CDH4: variants seen among roughly 807,000 people sequenced by gnomAD.
The protein encoded by CDH4 is cadherin 4.
In CDH4, 33 loss-of-function variants were observed where a neutral mutation model predicts 86.0. That is an observed-to-expected ratio of 0.38 (90% CI 0.29 to 0.51). CDH4 has a LOEUF of 0.51. Ranked by LOEUF, CDH4 falls within the 20% of genes least tolerant of loss-of-function variation. The probability of loss-of-function intolerance (pLI) is 0.86; values close to 1 mark genes in which losing one functional copy is unlikely to be tolerated. For synonymous variants in CDH4, 555 were observed against 549.4 expected, an observed-to-expected ratio of 1.01 and a Z score of -0.14; for missense variants, 1,114 against 1,307.4, an observed-to-expected ratio of 0.85 and a Z score of 2.28.
At chr20:61,454,395 A>T (rs1322546786) in intron 2 of CDH4, among the ~76,000 whole-genome samples, 1 of 152,162 alleles carries the variant, frequency 6.6e-6, no homozygotes, top group African/African-American at 2.4e-5. Context: ...GTTGTTAGTG[A>T]AGAGCCCGCA....
intron 4 of CDH4, among the ~76,000 whole-genome samples, chr20:61,798,487 A>C (rs928335383): frequency 2.6e-5 from 4 of 152,306 alleles, no homozygotes; most frequent in Non-Finnish European, 5.9e-5. Context: ...CATCGCGCTG[A>C]TTCCACTGCA....
intron 2 of CDH4, among the ~76,000 whole-genome samples, chr20:61,419,279 C>G (rs2085164346): frequency 6.6e-6 from 1 of 152,182 alleles, no homozygotes; most frequent in Admixed American, 6.5e-5. Context: ...TGGTTCTTGT[C>G]TCTGCTCATC....
intron 2 of CDH4, among the ~76,000 whole-genome samples, chr20:61,478,749 T>C (rs2085553362): frequency 1.3e-5 from 2 of 152,238 alleles, no homozygotes; most frequent in South Asian, 4.1e-4. Context: ...CTATGTTTCA[T>C]TCACCATTTT....
intron 7 of CDH4, among the ~76,000 whole-genome samples, chr20:61,876,118 G>A (rs755009493): frequency 3.3e-5 from 5 of 152,246 alleles, no homozygotes; most frequent in African/African-American, 7.2e-5. Context: ...CACGGCTGCC[G>A]GCTGTGTCCA....
chr20:61,298,830 T>C (rs999640332), intron 2 of CDH4, among the ~76,000 whole-genome samples: 10 of 150,670 alleles, frequency 6.6e-5, no homozygotes, highest in African/African-American at 2.0e-4. Flanking sequence ...TTTTTCATGG[T>C]AACCACAAAA....
Position 61,494,533 on chromosome 20 carries a change from G to A in CDH4, c.169+239596G>A, listed in dbSNP as rs942395105. ...CTATTTCCTTGCAGGTAGTAATTTT[G>A]TTTCAAGAAGAGCGATGTTTAGCAC... On this transcript the variant is annotated intron_variant, in intron 2 of 15. Coordinates refer to ENST00000614565, the MANE Select transcript of CDH4 (RefSeq NM_001794.5). Among the ~76,000 whole-genome samples the A allele has an allele frequency of 3.3e-5, 5 of 152,246 alleles. No homozygotes were observed. In the East Asian group the frequency reaches 7.7e-4, roughly 23 times the overall value.
chr20:61,885,536 C>T (rs1442531617), intron 7 of CDH4, among the ~76,000 whole-genome samples: 1 of 152,206 alleles, frequency 6.6e-6, no homozygotes, highest in East Asian at 1.9e-4. Flanking sequence ...ATTCATCGCT[C>T]AATGGACCCT....
At chr20:61,622,400 C>T (rs1014366259) in intron 2 of CDH4, among the ~76,000 whole-genome samples, 1 of 152,202 alleles carries the variant, frequency 6.6e-6, no homozygotes, top group Non-Finnish European at 1.5e-5. Flanking sequence ...GTCAGGCATA[C>T]CCCGGGTGCA....
At chr20:61,884,143 GA>G (rs1984427760) in intron 7 of CDH4, among the ~76,000 whole-genome samples, 1 of 152,172 alleles carries the variant, frequency 6.6e-6, no homozygotes, top group African/African-American at 2.4e-5. Flanking sequence ...AGTGAGAGGG[GA>G]GGGTCTGCTG....
chr20:61,311,845 G>A (rs1051774834), intron 2 of CDH4, among the ~76,000 whole-genome samples: 1 of 152,274 alleles, frequency 6.6e-6, no homozygotes, highest in Non-Finnish European at 1.5e-5. Flanking sequence ...TGTGTGGGAC[G>A]CGCCAGGGCG....
chr20:61,307,597 C>T (rs2084424231), intron 2 of CDH4, among the ~76,000 whole-genome samples: 2 of 152,240 alleles, frequency 1.3e-5, no homozygotes, highest in Non-Finnish European at 1.5e-5. Context: ...AGTCCCTGCC[C>T]CATCCACCTG....
At chr20:61,652,236 C>T (rs1022012138) in intron 2 of CDH4, among the ~76,000 whole-genome samples, 1 of 152,230 alleles carries the variant, frequency 6.6e-6, no homozygotes, top group Non-Finnish European at 1.5e-5. Context: ...CCAGTATCCA[C>T]GTGAAACTAT....
chr20:61,590,876 T>TGCA lies in CDH4; in HGVS notation c.170-152686_170-152685insCAG, dbSNP rs535456574. On this transcript the variant is annotated intron_variant, in intron 2 of 15. Coordinates refer to ENST00000614565, the MANE Select transcript of CDH4 (RefSeq NM_001794.5). ...CAAAGCCTTGTCTTCCCTAAATCTATGGGGGGGGGGGTCCCCGGGTCTCCA... is the reference window on the plus strand; with the variant it reads ...CAAAGCCTTGTCTTCCCTAAATCTATGCAGGGGGGGGGGGTCCCCGGGTCTCCA... 2.5e-4 allele frequency among the ~76,000 whole-genome samples: 34 copies of TGCA among 137,518 alleles called. 3 individuals carry two copies. Among genetic ancestry groups the TGCA allele is most frequent in the Non-Finnish European group, 4.8e-4 (30 of 63,118 alleles). 90.2% of individuals were successfully genotyped at this position (137,518 alleles called of 152,430 possible). A position where few individuals can be genotyped will look rare whatever the true frequency, so the allele number is the denominator to read the frequency against.
At chr20:61,747,913 C>T (rs1351895962) in intron 3 of CDH4, among the ~76,000 whole-genome samples, 1 of 149,744 alleles carries the variant, frequency 6.7e-6, no homozygotes, top group East Asian at 2.0e-4. Flanking sequence ...ATTCAAGAAG[C>T]CCTGTGAACT....
intron 4 of CDH4, among the ~76,000 whole-genome samples, chr20:61,832,574 A>G (rs1352031201): frequency 6.6e-6 from 1 of 152,158 alleles, no homozygotes; most frequent in African/African-American, 2.4e-5. Context: ...GGAAGCAAGG[A>G]CCTTCTTCAC....
chr20:61,563,860 G>A (rs751161728), intron 2 of CDH4, among the ~76,000 whole-genome samples: 97 of 152,186 alleles, frequency 6.4e-4, no homozygotes, highest in Non-Finnish European at 1.2e-3. Context: ...ACCCAGGCAG[G>A]TTCTGCACCT....
chr20:61,687,742 G>A (rs1041236316), intron 2 of CDH4, among the ~76,000 whole-genome samples: 19 of 152,168 alleles, frequency 1.2e-4, no homozygotes, highest in African/African-American at 4.6e-4. Flanking sequence ...TTATCACAGG[G>A]AGCACCACCT....
intron 2 of CDH4, among the ~76,000 whole-genome samples, chr20:61,702,046 G>A (rs2087782391): frequency 6.6e-6 from 1 of 152,274 alleles, no homozygotes; most frequent in Non-Finnish European, 1.5e-5. Context: ...CCTCTTCACC[G>A]AAGTGCAGTC....
Position 61,411,120 on chromosome 20 carries a change from T to TTCCATCCA in CDH4, c.169+156215_169+156222dup, listed in dbSNP as rs11473075. Among the ~76,000 whole-genome samples, 899 of 146,904 alleles carry TTCCATCCA rather than the reference T, an allele frequency of 6.1e-3. 8 individuals are homozygous for TTCCATCCA. Among genetic ancestry groups the TTCCATCCA allele is most frequent in the African/African-American group, 8.7e-3 (342 of 39,160 alleles). ...CTTCCAGTCATTCATCCGTCTTTCC[T>TTCCATCCA]TCCATCCATCCATCCATCCATCCAT... On this transcript the variant is annotated intron_variant, in intron 2 of 15. Transcript: ENST00000614565.
Sources: allele counts gnomAD v4.1 joint callset (sites outside exome capture counted in the v4.1 genomes callset), GRCh38; gene constraint gnomAD v4.1.1; transcripts MANE v1.5; gene names NCBI Gene and HGNC (gene_info 2026-07-23, HGNC 2026-07-21).